The following SDC3 variants were observed in gnomAD, a reference collection of about 807,000 sequenced individuals.
The protein encoded by SDC3 is syndecan-3.
SDC3 carries 13 observed loss-of-function variants against 24.4 expected under a neutral mutation model. The ratio of observed to expected loss-of-function variants is 0.53; its 90% confidence interval spans 0.35 to 0.85. The LOEUF is 0.85. Ranked by LOEUF, SDC3 falls within the 40% of genes least tolerant of loss-of-function variation. The pLI is 0.01. For missense variants in SDC3, 571 were observed against 584.5 expected (o/e 0.98, Z 0.24); for synonymous variants, 295 against 260.9 (o/e 1.13, Z -1.26).
At chr1:30,893,869 T>A (rs540255477) in intron 1 of SDC3, among the ~76,000 whole-genome samples, 3 of 152,078 alleles carry the variant, frequency 2.0e-5, no homozygotes, top group Non-Finnish European at 2.9e-5. Flanking sequence ...AAATAACATA[T>A]AACTGCATCT....
chr1:30,876,627 G>C lies in SDC3; in HGVS notation c.795C>G (p.Thr265=). ...RPRALPRPAT[T]QEPDIPERST... is the part of the protein sequence containing the mutation. The stretch of plus-strand genomic sequence containing the variant: ...TCCTCTCAGGGATGTCAGGCTCCTG[G>C]GTGGTGGCCGGCCTGGGAAGGGCTC... Residue 265 remains threonine (T), a synonymous_variant, in exon 3 of 5, where the codon ACC becomes ACG. Transcript: ENST00000339394. 6.3e-7 allele frequency: 1 copy of C among 1,575,792 alleles called. No individual in the cohort carries two copies. The highest frequency in any genetic ancestry group is 8.6e-7 in the Non-Finnish European group (1 of 1,161,090).
At chr1:30,884,137 C>T (rs1435058237) in intron 1 of SDC3, among the ~76,000 whole-genome samples, 3 of 152,154 alleles carry the variant, frequency 2.0e-5, no homozygotes, top group Non-Finnish European at 2.9e-5. Context: ...CAGTCCCACA[C>T]CCACTTGTGG....
intron 1 of SDC3, among the ~76,000 whole-genome samples, chr1:30,885,581 G>A (rs1639816034): frequency 6.6e-6 from 1 of 152,216 alleles, no homozygotes; most frequent in South Asian, 2.1e-4. Context: ...CTGTTCGTGA[G>A]GGACCTTACG....
Position 30,876,864 on chromosome 1 carries a change from G to A in SDC3, c.558C>T (p.Ala186=). 1.2e-6 allele frequency: 2 copies of A among 1,613,524 alleles called. No individual in the cohort carries two copies. ...GGGGTGCTGCAGGGGTGCTGGGGGT[G>A]GCGGTGGCCACTGTGGCAGGCACTG... The part of the protein sequence containing the change: ...VATVPATVAT[A]TPSTPAAPPF... The change falls in exon 3 of 5, where the codon GCC becomes GCT. Residue 186 remains alanine, a synonymous_variant. Transcript: ENST00000339394.
intron 1 of SDC3, among the ~76,000 whole-genome samples, chr1:30,902,977 G>A (rs1638444876): frequency 6.6e-6 from 1 of 152,184 alleles, no homozygotes; most frequent in Admixed American, 6.5e-5. Context: ...ATTCACTCGA[G>A]CCTGCACCAA....
intron 1 of SDC3, among the ~76,000 whole-genome samples, chr1:30,889,212 G>A (rs1639872411): frequency 1.3e-5 from 2 of 152,206 alleles, no homozygotes; most frequent in African/African-American, 4.8e-5. Context: ...ACTGACCTCA[G>A]GGGTTGGGAG....
intron 1 of SDC3, among the ~76,000 whole-genome samples, chr1:30,889,824 A>G (rs1368523001): frequency 2.0e-5 from 3 of 152,212 alleles, no homozygotes; most frequent in African/African-American, 4.8e-5. Context: ...GAGTTTCCAT[A>G]TGACTCAGTA....
At chr1:30,890,243 G>A (rs980390742) in intron 1 of SDC3, among the ~76,000 whole-genome samples, 1 of 152,130 alleles carries the variant, frequency 6.6e-6, no homozygotes, top group Non-Finnish European at 1.5e-5. Context: ...GGAGGCAGAG[G>A]TTGCAGGGAG....
intron 4 of SDC3, among the ~76,000 whole-genome samples, 153 bp downstream of exon 4, chr1:30,874,144 G>A (rs1639589038): frequency 6.6e-6 from 1 of 152,112 alleles, no homozygotes; most frequent in African/African-American, 2.4e-5. Context: ...GCAGGTCCTG[G>A]GGGGTTGAGT....
At chr1:30,874,755 C>T (rs1289000496) in intron 3 of SDC3, among the ~76,000 whole-genome samples, 167 bp from the exon 4 acceptor site, 2 of 152,236 alleles carry the variant, frequency 1.3e-5, no homozygotes, top group Non-Finnish European at 2.9e-5. Flanking sequence ...GTTTACAGAG[C>T]AGGAAGTCAG....
chr1:30,908,593 G>A lies in SDC3; in HGVS notation c.-7C>T, dbSNP rs1214307697. On this transcript the variant is annotated 5_prime_UTR_variant, in exon 1 of 5. Coordinates refer to ENST00000339394, the MANE Select transcript of SDC3 (RefSeq NM_014654.4). ...GCGGCGGCCCCGGCTTCATGGCGGC[G>A]GCGCGGGCGCGGGCGGCGGGCGGCG... The A allele has an allele frequency of 3.1e-6, 3 of 972,016 alleles. No individual in the cohort carries two copies. Among genetic ancestry groups the A allele is most frequent in the Admixed American group, 6.4e-5 (1 of 15,596 alleles). 60.2% of individuals were successfully genotyped at this position (972,016 alleles called of 1,614,324 possible).
intron 1 of SDC3, among the ~76,000 whole-genome samples, chr1:30,885,294 A>G (rs1639811820): frequency 6.6e-6 from 1 of 151,572 alleles, no homozygotes; most frequent in African/African-American, 2.4e-5. Flanking sequence ...TACAAAAAAT[A>G]TGTAGAACTT....
At chr1:30,909,311 T>A (rs182408996), upstream of SDC3, among the ~76,000 whole-genome samples, 2 of 152,194 alleles carry the variant, frequency 1.3e-5, no homozygotes, top group African/African-American at 4.8e-5. Context: ...GGCCTCGGTC[T>A]CCCCAGGGGA....
chr1:30,884,276 C>T lies in SDC3; in HGVS notation c.139-5536G>A, dbSNP rs566530769. Among the ~76,000 whole-genome samples, 83 of 118,832 alleles carry T rather than the reference C, an allele frequency of 7.0e-4. No individual in the cohort carries two copies. The South Asian group carries it at 0.019, about 27-fold the overall frequency. The allele number at this position is 118,832 out of a possible 152,430, so 78.0% of individuals were successfully genotyped here. ...GAAGGCCAAGCTGAAACACCACAGA[C>T]CCCCCCCAAGAAAAATCCACCAAGC... On this transcript the variant is annotated intron_variant, in intron 1 of 4. Coordinates refer to ENST00000339394, the MANE Select transcript of SDC3 (RefSeq NM_014654.4).
Position 30,870,075 on chromosome 1 carries a change from C to G in SDC3, c.*3136G>C, listed in dbSNP as rs548204450. 2.5e-6 allele frequency: 1 copy of G among 396,598 alleles called. No homozygotes were observed. Among genetic ancestry groups the G allele is most frequent in the South Asian group, 1.4e-4 (1 of 7,000 alleles). 24.6% of individuals were successfully genotyped at this position (396,598 alleles called of 1,614,324 possible). ...GTTGTAGTTGTTGGGAGAAGAAATC[C>G]AGAGAACACAGGAGGCAGCCACTCC... On this transcript the variant is annotated 3_prime_UTR_variant, in exon 5 of 5. Coordinates refer to ENST00000339394, the MANE Select transcript of SDC3 (RefSeq NM_014654.4).
chr1:30,873,231 G>A lies in SDC3; in HGVS notation c.1309C>T (p.Gln437Ter). The change falls in exon 5 of 5, where the codon CAG becomes TAG. Residue 437 changes from glutamine to a stop codon, truncating the protein, a stop_gained. Transcript: ENST00000339394. LOFTEE classifies it high-confidence loss of function. ...ASVTYQKPDKQEEFYA is the reference protein window; with the variant it reads ...ASVTYQKPDK ...CTCCACTAGGCATAGAACTCCTCCT[G>A]CTTGTCAGGCTTCTGGTATGTGACG... 1 of 1,613,572 alleles carries A rather than the reference G, an allele frequency of 6.2e-7. No homozygotes were observed. Among genetic ancestry groups the A allele is most frequent in the South Asian group, 1.1e-5 (1 of 91,060 alleles).
In SDC3 at chr1:30,876,777, T is replaced by C. The variant is rs1357090297; in HGVS notation, c.645A>G (p.Pro215=). The C allele has an allele frequency of 3.8e-6, 6 of 1,590,666 alleles. No individual in the cohort carries two copies. The highest frequency in any genetic ancestry group is 4.3e-6 in the Non-Finnish European group (5 of 1,166,920). The change falls in exon 3 of 5, where the codon CCA becomes CCG. Residue 215 remains proline, a synonymous_variant. Coordinates refer to ENST00000339394, the MANE Select transcript of SDC3 (RefSeq NM_014654.4). The part of the protein sequence containing the change: ...TTGVRRLLPL[P]LTTVATARAT... Reference sequence around the variant, plus strand: ...CCCGTGCCGTAGCCACTGTGGTCAGTGGGAGAGGCAGAAGCCTCCGTACGC... The same window carrying C: ...CCCGTGCCGTAGCCACTGTGGTCAGCGGGAGAGGCAGAAGCCTCCGTACGC...
intron 1 of SDC3, among the ~76,000 whole-genome samples, chr1:30,898,574 G>A (rs1638334503): frequency 6.6e-6 from 1 of 152,150 alleles, no homozygotes; most frequent in Non-Finnish European, 1.5e-5. Context: ...GTTCAGGGAG[G>A]GTGGTGGTGC....
intron 1 of SDC3, among the ~76,000 whole-genome samples, chr1:30,898,202 G>T (rs374898466): frequency 6.6e-6 from 1 of 152,144 alleles, no homozygotes; most frequent in African/African-American, 2.4e-5. Context: ...CAAGGGAGGC[G>T]TGTTCCCCTC....
Sources: allele counts gnomAD v4.1 joint callset (sites outside exome capture counted in the v4.1 genomes callset), GRCh38; gene constraint gnomAD v4.1.1; transcripts MANE v1.5; gene names NCBI Gene and HGNC (gene_info 2026-07-23, HGNC 2026-07-21).